Variants in RGS7 observed in about 807,000 individuals in gnomAD.
RGS7 encodes regulator of G-protein signaling 7.
A neutral mutation model predicts 81.1 loss-of-function variants in RGS7; 27 were observed. The ratio of observed to expected loss-of-function variants is 0.33; its 90% CI spans 0.25 to 0.46. The LOEUF (loss-of-function observed/expected upper bound fraction) is 0.46, where lower values mean the gene tolerates loss of function less well. RGS7 is among the 20% of genes least tolerant of loss of function. The pLI, the probability that RGS7 is intolerant of heterozygous loss-of-function variation, is 1.00. For synonymous variants in RGS7, 208 were observed against 207.7 expected (o/e 1.00, Z -0.01); for missense variants, 396 against 607.4 (o/e 0.65, Z 3.66).
chr1:241,068,238 G>GTGTATATA lies in RGS7; in HGVS notation c.175+30427_175+30428insTATATACA. Reference sequence around the variant, plus strand: ...CTATCCATAAATTGTGTGTGTGTGTGTATATATATATATATATATAAAATA... The same window carrying GTGTATATA: ...CTATCCATAAATTGTGTGTGTGTGTGTGTATATATATATATATATATATATATAAAATA... On this transcript the variant is annotated intron_variant, in intron 3 of 18. Transcript: ENST00000440928. 8.4e-4 allele frequency among the ~76,000 whole-genome samples: 30 copies of GTGTATATA among 35,676 alleles called. 2 individuals are homozygous for GTGTATATA. The highest frequency in any genetic ancestry group is 7.0e-3 in the Admixed American group (17 of 2,438). 23.4% of individuals were successfully genotyped at this position (35,676 alleles called of 152,430 possible).
intron 2 of RGS7, among the ~76,000 whole-genome samples, chr1:241,213,211 G>A (rs1306736157): frequency 6.6e-6 from 1 of 152,150 alleles, no homozygotes; most frequent in Non-Finnish European, 1.5e-5. Context: ...ATGAGACTTT[G>A]TAGTGTCATG....
chr1:241,252,673 T>C (rs1399591230), intron 2 of RGS7, among the ~76,000 whole-genome samples: 1 of 152,198 alleles, frequency 6.6e-6, no homozygotes, highest in Non-Finnish European at 1.5e-5. Context: ...TGCCTGAATG[T>C]TGCTAAGCCT....
At chr1:241,055,307 G>C (rs1011197338) in intron 3 of RGS7, among the ~76,000 whole-genome samples, 4 of 152,158 alleles carry the variant, frequency 2.6e-5, no homozygotes, top group Non-Finnish European at 5.9e-5. Context: ...ATCAGGTTGT[G>C]ACTTGGGCTT....
rs1001222221 is a variant in RGS7, at chr1:241,163,593, G to A, written c.79-64831C>T. ...TCTCTCTGAGGGCGGCTACCTGTGA[G>A]ATTTCATCTACATAACAAGTGATCT... On this transcript the variant is annotated intron_variant, in intron 2 of 18. Coordinates refer to ENST00000440928, the MANE Select transcript of RGS7 (RefSeq NM_001364886.1). This position sits in a 1 kb window ranked among gnomAD's most constrained non-coding sequence, Gnocchi z 4.6. Among the ~76,000 whole-genome samples, 5 of 152,106 alleles carry A rather than the reference G, an allele frequency of 3.3e-5. No individual in the cohort carries two copies. The highest frequency in any genetic ancestry group is 2.0e-4 in the Admixed American group (3 of 15,276).
At chr1:241,098,901 A>G in intron 2 of RGS7, 139 bp from the exon 3 acceptor site, 1 of 682,506 alleles carries the variant, frequency 1.5e-6, no homozygotes, top group South Asian at 1.6e-5. Flanking sequence ...TTTTTGCCAC[A>G]TTAATAGTTT....
chr1:240,873,834 C>G (rs1388440768), intron 6 of RGS7, among the ~76,000 whole-genome samples: 1 of 152,090 alleles, frequency 6.6e-6, no homozygotes, highest in East Asian at 1.9e-4. Flanking sequence ...AGCTTACAAC[C>G]CAGGTAATGC....
At chr1:241,095,123 G>T (rs1040684322) in intron 3 of RGS7, among the ~76,000 whole-genome samples, 1 of 152,032 alleles carries the variant, frequency 6.6e-6, no homozygotes, top group African/African-American at 2.4e-5. Context: ...GAAAAAGATT[G>T]GCACAAGCAA....
chr1:240,808,650 C>T (rs1400001711), intron 14 of RGS7, among the ~76,000 whole-genome samples: 3 of 152,162 alleles, frequency 2.0e-5, no homozygotes, highest in East Asian at 1.9e-4. Context: ...CTCCCTCACA[C>T]GGTCTTTCTA....
At chr1:241,127,554 A>T (rs972264190) in intron 2 of RGS7, among the ~76,000 whole-genome samples, 1 of 152,012 alleles carries the variant, frequency 6.6e-6, no homozygotes, top group Non-Finnish European at 1.5e-5. Flanking sequence ...GCGTGGGGGG[A>T]GCGGGGAGGG....
chr1:241,303,925 CAGAA>C (rs1388822760), intron 2 of RGS7, among the ~76,000 whole-genome samples: 1 of 152,190 alleles, frequency 6.6e-6, no homozygotes, highest in African/African-American at 2.4e-5. Flanking sequence ...GCACGTCCAT[CAGAA>C]GGAACTGTCA....
intron 18 of RGS7, among the ~76,000 whole-genome samples, chr1:240,782,541 G>A (rs1282625643): frequency 6.6e-6 from 1 of 152,158 alleles, no homozygotes; most frequent in African/African-American, 2.4e-5. Flanking sequence ...TCCTGCCTCA[G>A]CCTCCCGAGT....
intron 6 of RGS7, among the ~76,000 whole-genome samples, chr1:240,910,477 G>T (rs1437987325): frequency 1.3e-5 from 2 of 152,166 alleles, no homozygotes; most frequent in African/African-American, 2.4e-5. Context: ...TTGGTTAAAG[G>T]ATAGAAATTT....
intron 2 of RGS7, among the ~76,000 whole-genome samples, chr1:241,330,605 G>A (rs2081922728): frequency 6.6e-6 from 1 of 152,148 alleles, no homozygotes; most frequent in South Asian, 2.1e-4. Flanking sequence ...CAGAATTAGA[G>A]TATCCAGAAA....
At chr1:241,166,905 T>C (rs1434642454) in intron 2 of RGS7, among the ~76,000 whole-genome samples, 1 of 152,218 alleles carries the variant, frequency 6.6e-6, no homozygotes, top group African/African-American at 2.4e-5. Flanking sequence ...AAACCCCATA[T>C]TCTCTACTGC....
chr1:241,069,673 G>A (rs996288391), intron 3 of RGS7, among the ~76,000 whole-genome samples: 1 of 152,068 alleles, frequency 6.6e-6, no homozygotes, highest in Non-Finnish European at 1.5e-5. Flanking sequence ...TGGCTGAAAG[G>A]GATGTTTAGT....
At chr1:241,328,921 C>A (rs1265223910) in intron 2 of RGS7, among the ~76,000 whole-genome samples, 2 of 151,830 alleles carry the variant, frequency 1.3e-5, no homozygotes. Context: ...TTTTTCTTCT[C>A]TGCAATACCT....
chr1:241,113,742 A>G (rs567825072), intron 2 of RGS7, among the ~76,000 whole-genome samples: 2 of 152,294 alleles, frequency 1.3e-5, no homozygotes, highest in South Asian at 2.1e-4. Context: ...CCTTCCCTAT[A>G]AAATGAGAAT....
intron 4 of RGS7, among the ~76,000 whole-genome samples, chr1:240,981,835 T>C (rs543556737): frequency 6.6e-6 from 1 of 152,288 alleles, no homozygotes; most frequent in South Asian, 2.1e-4. Context: ...TAGCTTAAAA[T>C]GAGAAAAAAT....
At chr1:241,063,843 G>T (rs969294956) in intron 3 of RGS7, among the ~76,000 whole-genome samples, 2 of 152,080 alleles carry the variant, frequency 1.3e-5, no homozygotes, top group Non-Finnish European at 2.9e-5. Context: ...CTGTATTGAA[G>T]AATGTAGAGG....
Sources: allele counts gnomAD v4.1 joint callset (sites outside exome capture counted in the v4.1 genomes callset), GRCh38; gene constraint gnomAD v4.1.1; non-coding constraint Gnocchi (gnomAD v3.1); transcripts MANE v1.5; gene names NCBI Gene and HGNC (gene_info 2026-07-23, HGNC 2026-07-21).